Variants in MMP26 observed in about 807,000 individuals in gnomAD.
MMP26 encodes the protein matrix metalloproteinase-26.
A neutral mutation model predicts 31.0 loss-of-function variants in MMP26; 33 were observed. The ratio of observed to expected loss-of-function variants is 1.06; its 90% CI spans 0.81 to 1.42. The LOEUF is 1.42. Among genes scored for constraint, MMP26 ranks in the 40% most tolerant of loss-of-function variants. The pLI, the probability that MMP26 is intolerant of heterozygous loss-of-function variation, is 0.00. For synonymous variants in MMP26, 122 were observed against 114.9 expected (o/e 1.06, Z -0.40); for missense variants, 347 against 316.1 (o/e 1.10, Z -0.74).
intron 2 of MMP26, among the ~76,000 whole-genome samples, chr11:4,896,776 C>T (rs1032976785): frequency 1.3e-5 from 2 of 152,120 alleles, no homozygotes; most frequent in African/African-American, 4.8e-5. Flanking sequence ...CTTACGCAAA[C>T]AAGTAACATT....
In MMP26 at chr11:4,803,908, C is replaced by A. The variant is rs762774407; in HGVS notation, c.-145+36567C>A. The A allele has an allele frequency of 2.6e-5, 42 of 1,613,008 alleles. No individual in the cohort carries two copies. In the South Asian group the frequency reaches 4.5e-4, roughly 17 times the overall value. On this transcript the variant is annotated intron_variant, in intron 2 of 7. Transcript: ENST00000380390. Reference sequence around the variant, plus strand: ...CACCATGAAGCAGAAGGGGCTCACCCACAGCAGCCCTCTCAGCATCACGAT... The same window carrying A: ...CACCATGAAGCAGAAGGGGCTCACCAACAGCAGCCCTCTCAGCATCACGAT...
At chr11:4,817,817 G>A (rs1009816340) in intron 2 of MMP26, among the ~76,000 whole-genome samples, 21 of 152,244 alleles carry the variant, frequency 1.4e-4, no homozygotes, top group Admixed American at 1.1e-3. Context: ...ACAGGGTTGG[G>A]TTATATGCAG....
chr11:4,730,906 A>C (rs7117559), intron 1 of MMP26, among the ~76,000 whole-genome samples: 91,319 of 151,942 alleles, frequency 0.6, 28,496 homozygotes, highest in African/African-American at 0.75. Context: ...TCATTTCCAA[A>C]CACCACAAAG....
intron 2 of MMP26, chr11:4,793,747 A>C (rs146058018): frequency 6.9e-4 from 105 of 152,340 alleles, no homozygotes; most frequent in African/African-American, 2.3e-3. Context: ...GGAATAAAGA[A>C]AATCAAGTTG....
At chr11:4,957,824 G>A (rs189996695) in intron 2 of MMP26, among the ~76,000 whole-genome samples, 8 of 151,990 alleles carry the variant, frequency 5.3e-5, no homozygotes, top group Admixed American at 1.3e-4. Flanking sequence ...GACTACAGGT[G>A]TGAGCCAACA....
intron 2 of MMP26, chr11:4,913,130 C>G (rs539469438): frequency 6.6e-6 from 1 of 152,186 alleles, no homozygotes; most frequent in Non-Finnish European, 1.5e-5. Flanking sequence ...AATGGTCATT[C>G]TCAACTTTGT....
chr11:4,828,197 G>A lies in MMP26; in HGVS notation c.-145+60856G>A, dbSNP rs79554758. On this transcript the variant is annotated intron_variant, in intron 2 of 7. Coordinates refer to ENST00000380390, the MANE Select transcript of MMP26 (RefSeq NM_021801.5). ...GGAATGTGAGGAAGCAGTGCTCCTC[G>A]TTTTTTGAAGCCATTGTAGACTGAA... is the stretch of plus-strand genomic sequence containing the variant. Among the ~76,000 whole-genome samples the A allele has an allele frequency of 6.4e-3, 970 of 152,216 alleles. 12 individuals are homozygous for A. The highest frequency in any genetic ancestry group is 0.022 in the African/African-American group (912 of 41,554).
At chr11:4,758,163 A>G (rs533878427) in intron 1 of MMP26, among the ~76,000 whole-genome samples, 1 of 152,322 alleles carries the variant, frequency 6.6e-6, no homozygotes, top group South Asian at 2.1e-4. Flanking sequence ...CTAAAAAGCT[A>G]TTCAGCAAAA....
At chr11:4,747,493 T>C (rs549345045) in intron 1 of MMP26, among the ~76,000 whole-genome samples, 52 of 152,202 alleles carry the variant, frequency 3.4e-4, no homozygotes, top group Non-Finnish European at 6.5e-4. Flanking sequence ...GTTACCTCTA[T>C]AGAGAAGTCA....
At chr11:4,818,032 A>G (rs1236252409) in intron 2 of MMP26, among the ~76,000 whole-genome samples, 1 of 152,218 alleles carries the variant, frequency 6.6e-6, no homozygotes, top group Non-Finnish European at 1.5e-5. Flanking sequence ...TGGAGAGGCA[A>G]GTGCTCAGAG....
At chr11:4,922,337 C>T (rs1049892416) in intron 2 of MMP26, among the ~76,000 whole-genome samples, 1 of 151,370 alleles carries the variant, frequency 6.6e-6, no homozygotes, top group Non-Finnish European at 1.5e-5. Context: ...GTTTAAAACC[C>T]TCTCCTTCTC....
At chr11:4,781,347 A>G (rs972723384) in intron 2 of MMP26, among the ~76,000 whole-genome samples, 1 of 71,834 alleles carries the variant, frequency 1.4e-5, no homozygotes, top group African/African-American at 1.1e-4. Flanking sequence ...GGAGATCGAG[A>G]CCATCCTGGC....
intron 2 of MMP26, chr11:4,833,174 T>G (rs1849669784): frequency 6.6e-6 from 1 of 152,210 alleles, no homozygotes; most frequent in South Asian, 2.1e-4. Flanking sequence ...TTCAAAGTTT[T>G]TAAATTAGCA....
intron 2 of MMP26, among the ~76,000 whole-genome samples, chr11:4,823,243 A>G (rs1849535373): frequency 6.6e-6 from 1 of 152,094 alleles, no homozygotes; most frequent in African/African-American, 2.4e-5. Flanking sequence ...AGAGCTTTTC[A>G]TCCTTTGTGT....
intron 2 of MMP26, among the ~76,000 whole-genome samples, chr11:4,842,530 C>T (rs992119131): frequency 6.6e-6 from 1 of 152,136 alleles, no homozygotes; most frequent in Non-Finnish European, 1.5e-5. Flanking sequence ...AAGTGCCACA[C>T]ACTTTTAAAT....
In MMP26 at chr11:4,739,572, ACCACTTGATATGGAG is replaced by A. The variant is rs1160405977; in HGVS notation, c.-216-27697_-216-27683del. The stretch of plus-strand genomic sequence containing the variant: ...GACATTCAGAACTATGATGACTCCA[ACCACTTGATATGGAG>A]AATATACTCATGCAGCTGTGTTATA... On this transcript the variant is annotated intron_variant, in intron 1 of 7. Transcript: ENST00000380390. Among the ~76,000 whole-genome samples, 162 of 152,278 alleles carry A rather than the reference ACCACTTGATATGGAG, an allele frequency of 1.1e-3. 1 individual carries two copies. Among genetic ancestry groups the A allele is most frequent in the African/African-American group, 3.8e-3 (156 of 41,556 alleles).
intron 5 of MMP26, among the ~76,000 whole-genome samples, 157 bp downstream of exon 5, chr11:4,990,903 C>T (rs1846990220): frequency 6.6e-6 from 1 of 152,154 alleles, no homozygotes; most frequent in Non-Finnish European, 1.5e-5. Context: ...ATAGGGAAGA[C>T]ATTTTTAGTA....
At position 4,926,270 on chromosome 11, in the gene MMP26, T is replaced by C. The variant is rs543660927; in HGVS notation, c.-144-61798T>C. ...ACGATGGCAAGGAAAGAGGAAGAAATAAAGGAAAGAAGTAGAGACTTGGAG... is the reference window on the plus strand; with the variant it reads ...ACGATGGCAAGGAAAGAGGAAGAAACAAAGGAAAGAAGTAGAGACTTGGAG... On this transcript the variant is annotated intron_variant, in intron 2 of 7. Transcript: ENST00000380390. 4.0e-5 allele frequency among the ~76,000 whole-genome samples: 6 copies of C among 151,046 alleles called. No individual in the cohort carries two copies. The East Asian group carries it at 9.7e-4, about 25-fold the overall frequency.
chr11:4,766,230 T>C (rs1848627126), intron 1 of MMP26, among the ~76,000 whole-genome samples: 1 of 152,226 alleles, frequency 6.6e-6, no homozygotes, highest in African/African-American at 2.4e-5. Flanking sequence ...TGCTGGAATT[T>C]AATGCCAGTG....
Sources: gnomAD v4.1 joint callset for allele counts (sites outside exome capture counted in the v4.1 genomes callset) on GRCh38, gnomAD v4.1.1 for gene constraint, MANE v1.5 for transcripts, NCBI Gene and HGNC (gene_info 2026-07-23, HGNC 2026-07-21) for gene names.